Variants in ULK4 observed in about 807,000 individuals in gnomAD.
ULK4 encodes the protein unc-51 like kinase 4, also known as inactive serine/threonine-protein kinase ULK4.
In ULK4, 133 loss-of-function variants were observed where a neutral mutation model predicts 160.6. That is an observed-to-expected ratio of 0.83 (90% confidence interval 0.72 to 0.96). The LOEUF is 0.96. Among genes scored for constraint, ULK4 ranks in the 40% least tolerant of loss-of-function variants. The probability of loss-of-function intolerance (pLI) is 0.00; values close to 1 mark genes in which losing one functional copy is unlikely to be tolerated. For synonymous variants in ULK4, 534 were observed against 539.8 expected, an observed-to-expected ratio of 0.99 and a Z score of 0.15; for missense variants, 1,580 against 1,499.5, an observed-to-expected ratio of 1.05 and a Z score of -0.89.
chr3:41,733,753 T>TTTTTTA (rs1197898146), intron 22 of ULK4, among the ~76,000 whole-genome samples: 1 of 140,212 alleles, frequency 7.1e-6, no homozygotes, highest in African/African-American at 2.7e-5. Flanking sequence ...TTTTTTTTTT[T>TTTTTTA]AGACAGAGTC....
intron 32 of ULK4, among the ~76,000 whole-genome samples, chr3:41,496,485 G>T (rs1435807965): frequency 3.3e-5 from 5 of 152,044 alleles, no homozygotes. Flanking sequence ...AAGGTACATG[G>T]TGACAGGGTC....
chr3:41,519,418 T>C (rs533157356), intron 32 of ULK4, among the ~76,000 whole-genome samples: 2 of 152,362 alleles, frequency 1.3e-5, no homozygotes, highest in East Asian at 3.9e-4. Context: ...TGCCGAATGA[T>C]AATCAGTCGC....
chr3:41,448,829 T>C (rs759098716), intron 34 of ULK4, among the ~76,000 whole-genome samples: 1 of 151,988 alleles, frequency 6.6e-6, no homozygotes, highest in Non-Finnish European at 1.5e-5. Context: ...GGCAATTGAG[T>C]GGAAGTTAGT....
At chr3:41,825,322 G>T (rs2041306765) in intron 18 of ULK4, among the ~76,000 whole-genome samples, 3 of 152,350 alleles carry the variant, frequency 2.0e-5, no homozygotes, top group South Asian at 4.1e-4. Context: ...GAATGCCTTT[G>T]ACGAGTTGAG....
At chr3:41,772,225 G>A (rs771367270) in intron 21 of ULK4, among the ~76,000 whole-genome samples, 11 of 152,128 alleles carry the variant, frequency 7.2e-5, no homozygotes, top group Non-Finnish European at 1.3e-4. Context: ...GATCAGAGCA[G>A]AACTGAAGGA....
At chr3:41,926,201 G>C (rs949252665) in intron 5 of ULK4, among the ~76,000 whole-genome samples, 1 of 152,176 alleles carries the variant, frequency 6.6e-6, no homozygotes, top group Admixed American at 6.5e-5. Context: ...GTGATATCCA[G>C]GCAAACAGGG....
chr3:41,819,323 T>C (rs182779657), intron 19 of ULK4, 100 bp downstream of exon 19: 1 of 1,091,766 alleles, frequency 9.2e-7, no homozygotes, highest in Non-Finnish European at 1.3e-6. Context: ...CAATACTTGG[T>C]TGACAAGCTC....
At chr3:41,389,919 A>G (rs1052325409) in intron 35 of ULK4, among the ~76,000 whole-genome samples, 1 of 152,090 alleles carries the variant, frequency 6.6e-6, no homozygotes, top group Non-Finnish European at 1.5e-5. Flanking sequence ...CTCCTTTTCT[A>G]TTAATTGGAA....
chr3:41,888,713 G>A (rs552506904), intron 16 of ULK4, among the ~76,000 whole-genome samples: 4 of 152,260 alleles, frequency 2.6e-5, no homozygotes, highest in Non-Finnish European at 4.4e-5. Context: ...CCTTGGGGTG[G>A]GACATAGGTG....
intron 35 of ULK4, among the ~76,000 whole-genome samples, chr3:41,307,755 A>C (rs943918408): frequency 2.0e-5 from 3 of 152,144 alleles, no homozygotes; most frequent in African/African-American, 4.8e-5. Flanking sequence ...GCTTGAGCCT[A>C]GGAGTTTGAG....
chr3:41,462,407 T>C (rs2083707614), intron 33 of ULK4, among the ~76,000 whole-genome samples: 1 of 152,200 alleles, frequency 6.6e-6, no homozygotes, highest in Admixed American at 6.6e-5. Context: ...TCACTTGATC[T>C]AAATATCAGC....
chr3:41,399,303 G>C (rs946862522), intron 34 of ULK4, among the ~76,000 whole-genome samples: 1 of 152,086 alleles, frequency 6.6e-6, no homozygotes, highest in Non-Finnish European at 1.5e-5. Flanking sequence ...CGTATCTTTG[G>C]AAAAATGTCT....
At chr3:41,886,638 CA>C (rs1697731805) in intron 16 of ULK4, among the ~76,000 whole-genome samples, 2 of 151,058 alleles carry the variant, frequency 1.3e-5, no homozygotes, top group Non-Finnish European at 2.9e-5. Flanking sequence ...GTGAGTGGCA[CA>C]ATCTCAGCTC....
chr3:41,772,942 G>C (rs1328820173), intron 21 of ULK4, among the ~76,000 whole-genome samples: 1 of 152,116 alleles, frequency 6.6e-6, no homozygotes, highest in African/African-American at 2.4e-5. Flanking sequence ...ACATAATCCA[G>C]CATATAAACA....
At chr3:41,476,609 CT>C (rs1232840095) in intron 32 of ULK4, among the ~76,000 whole-genome samples, 15 of 149,452 alleles carry the variant, frequency 1.0e-4, no homozygotes, top group South Asian at 2.1e-4. Context: ...TAAGCCATTC[CT>C]TTTTTTTTTA....
chr3:41,356,249 A>G (rs535911451), intron 35 of ULK4, among the ~76,000 whole-genome samples: 7 of 152,300 alleles, frequency 4.6e-5, no homozygotes, highest in South Asian at 2.1e-4. Context: ...AGTCCTATTA[A>G]TATGAGATTG....
intron 35 of ULK4, among the ~76,000 whole-genome samples, chr3:41,278,911 A>C (rs2079284706): frequency 6.6e-6 from 1 of 152,176 alleles, no homozygotes. Flanking sequence ...TCGCAGCCCC[A>C]TGCCGGCAGC....
At chr3:41,471,510 C>T (rs1017443639) in intron 32 of ULK4, among the ~76,000 whole-genome samples, 1 of 152,114 alleles carries the variant, frequency 6.6e-6, no homozygotes, top group African/African-American at 2.4e-5. Context: ...CAGACATATG[C>T]AGAACATTCC....
At chr3:41,852,872 C>T (rs1421686709) in intron 17 of ULK4, among the ~76,000 whole-genome samples, 1 of 152,130 alleles carries the variant, frequency 6.6e-6, no homozygotes, top group Admixed American at 6.5e-5. Flanking sequence ...CAGCCTGCAA[C>T]AGAGTCTGGC....
Sources: gnomAD v4.1 joint callset for allele counts (sites outside exome capture counted in the v4.1 genomes callset) on GRCh38, gnomAD v4.1.1 for gene constraint, MANE v1.5 for transcripts, NCBI Gene and HGNC (gene_info 2026-07-23, HGNC 2026-07-21) for gene names.